The following PLEKHA8 variants were observed in gnomAD, a reference collection of about 807,000 sequenced individuals.
The protein encoded by PLEKHA8 is pleckstrin homology domain-containing family A member 8.
PLEKHA8 carries 36 observed loss-of-function variants against 68.2 expected under a neutral mutation model. That is an observed-to-expected ratio of 0.53 (90% CI 0.40 to 0.70). The LOEUF is 0.70. Among genes scored for constraint, PLEKHA8 ranks in the 30% least tolerant of loss-of-function variants. PLEKHA8 has a pLI of 0.00. For missense variants in PLEKHA8, 505 were observed against 615.4 expected, an observed-to-expected ratio of 0.82 and a Z score of 1.90; for synonymous variants, 211 against 216.1, an observed-to-expected ratio of 0.98 and a Z score of 0.20.
chr7:30,118,618 C>T (rs1224217907), intron 13 of PLEKHA8, among the ~76,000 whole-genome samples: 3 of 151,806 alleles, frequency 2.0e-5, no homozygotes, highest in Non-Finnish European at 4.4e-5. Context: ...TGCTCTGTCG[C>T]CCAGGCTGGA....
At chr7:30,097,696 C>T (rs1259697497) in intron 13 of PLEKHA8, among the ~76,000 whole-genome samples, 1 of 152,180 alleles carries the variant, frequency 6.6e-6, no homozygotes, top group Non-Finnish European at 1.5e-5. Context: ...TTAAGGACTT[C>T]TCTGCATTGA....
At chr7:30,041,818 CTCTT>C (rs1791563163) in intron 1 of PLEKHA8, among the ~76,000 whole-genome samples, 1 of 151,962 alleles carries the variant, frequency 6.6e-6, no homozygotes, top group Non-Finnish European at 1.5e-5. Flanking sequence ...TTTTAGGACA[CTCTT>C]TTTTTTTCAC....
chr7:30,037,337 T>A (rs1191906275), intron 1 of PLEKHA8, among the ~76,000 whole-genome samples: 2 of 152,132 alleles, frequency 1.3e-5, no homozygotes. Flanking sequence ...TGTTTTTATT[T>A]AAAAAAATTT....
At chr7:30,110,890 T>G (rs1442343878) in intron 13 of PLEKHA8, among the ~76,000 whole-genome samples, 1 of 151,874 alleles carries the variant, frequency 6.6e-6, no homozygotes, top group Non-Finnish European at 1.5e-5. Flanking sequence ...TTAATTGTGG[T>G]GTTTTCTTAT....
At chr7:30,129,086 C>A (rs1796830554) in intron 13 of PLEKHA8, among the ~76,000 whole-genome samples, 1 of 152,114 alleles carries the variant, frequency 6.6e-6, no homozygotes, top group Non-Finnish European at 1.5e-5. Flanking sequence ...ACTATAGCAC[C>A]CTGCAATAGT....
intron 5 of PLEKHA8, among the ~76,000 whole-genome samples, chr7:30,049,998 T>C (rs908231268): frequency 6.6e-6 from 1 of 152,206 alleles, no homozygotes; most frequent in African/African-American, 2.4e-5. Context: ...CTTATACATA[T>C]TCCTATTTTA....
At chr7:30,042,875 G>T (rs181887202) in intron 1 of PLEKHA8, among the ~76,000 whole-genome samples, 35 of 152,356 alleles carry the variant, frequency 2.3e-4, no homozygotes, top group Middle Eastern at 6.8e-3. Context: ...CTGGAGCACT[G>T]ATTCTGTGCC....
intron 13 of PLEKHA8, among the ~76,000 whole-genome samples, chr7:30,102,963 A>C (rs1795904324): frequency 6.6e-6 from 1 of 152,220 alleles, no homozygotes; most frequent in African/African-American, 2.4e-5. Flanking sequence ...CCAGCTATTC[A>C]GGAGGCTGAG....
intron 13 of PLEKHA8, among the ~76,000 whole-genome samples, chr7:30,114,398 G>A (rs1796362913): frequency 6.6e-6 from 1 of 152,222 alleles, no homozygotes; most frequent in Non-Finnish European, 1.5e-5. Context: ...TCACCCAGGT[G>A]GTGGTAGGTG....
chr7:30,030,034 A>G (rs909648504), intron 1 of PLEKHA8, among the ~76,000 whole-genome samples: 8 of 152,186 alleles, frequency 5.3e-5, no homozygotes, highest in Non-Finnish European at 1.0e-4. Flanking sequence ...GATGTCTGCA[A>G]TTAGATTAGA....
chr7:30,120,162 A>G (rs369973903), intron 13 of PLEKHA8, among the ~76,000 whole-genome samples: 1 of 142,166 alleles, frequency 7.0e-6, no homozygotes, highest in African/African-American at 2.8e-5. Flanking sequence ...TAATTAAAAA[A>G]AAAAAAACAA....
At chr7:30,092,900 G>A (rs1410408779), downstream of PLEKHA8, among the ~76,000 whole-genome samples, 1 of 152,188 alleles carries the variant, frequency 6.6e-6, no homozygotes, top group African/African-American at 2.4e-5. Context: ...CATGCCTGGG[G>A]CCACCTCCAT....
At chr7:30,052,899 A>G in intron 7 of PLEKHA8, 33 bp downstream of exon 7, 1 of 1,519,406 alleles carries the variant, frequency 6.6e-7, no homozygotes, top group Non-Finnish European at 8.8e-7. Flanking sequence ...AAACAAACCA[A>G]TTTTAGATGA....
rs532742541 is a variant in PLEKHA8, at chr7:30,109,790, G to A, written c.1363-19476G>A. ...GGGCTCAAGCAATCCTTTCATCTTA[G>A]CCTTCCAAGTAGCTGGGACCACAGG... is the stretch of plus-strand genomic sequence containing the variant. On this transcript the variant is annotated intron_variant, in intron 13 of 13. Coordinates refer to the PLEKHA8 transcript ENST00000396257. Among the ~76,000 whole-genome samples, 4 of 150,426 alleles carry A rather than the reference G, an allele frequency of 2.7e-5. No individual in the cohort carries two copies. The East Asian group carries it at 7.9e-4, about 30-fold the overall frequency.
downstream of PLEKHA8, among the ~76,000 whole-genome samples, chr7:30,086,769 T>G (rs1795199240): frequency 6.6e-6 from 1 of 151,578 alleles, no homozygotes; most frequent in African/African-American, 2.4e-5. Flanking sequence ...GTTGATATTT[T>G]TATTTTTTTC....
At chr7:30,045,769 CT>C (rs1174704947) in intron 2 of PLEKHA8, among the ~76,000 whole-genome samples, 1 of 152,166 alleles carries the variant, frequency 6.6e-6, no homozygotes, top group East Asian at 1.9e-4. Context: ...TTTGGTCTGA[CT>C]TTTCAAGGGA....
intron 13 of PLEKHA8, among the ~76,000 whole-genome samples, chr7:30,128,217 C>T (rs1796815097): frequency 6.6e-6 from 1 of 152,078 alleles, no homozygotes; most frequent in African/African-American, 2.4e-5. Flanking sequence ...AATGATCCTC[C>T]CACCTCAGCC....
Position 30,080,619 on chromosome 7 carries a change from TACTTAA to T in PLEKHA8, c.*1837_*1842del. ...TGCCCACATAAAGACTTCTGGAAAA[TACTTAA>T]ACTTGAAAAATCAACATCACATGTT... On this transcript the variant is annotated 3_prime_UTR_variant, in exon 14 of 14. Transcript: ENST00000449726. 1.0e-6 allele frequency: 1 copy of T among 985,278 alleles called. No individual in the cohort carries two copies. Among genetic ancestry groups the T allele is most frequent in the African/African-American group, 1.7e-5 (1 of 57,318 alleles). 61.0% of individuals were successfully genotyped at this position (985,278 alleles called of 1,614,324 possible). A position where few individuals can be genotyped will look rare whatever the true frequency, so the allele number is the denominator to read the frequency against.
chr7:30,028,945 AG>A, intron 1 of PLEKHA8, 143 bp downstream of exon 1: 1 of 997,134 alleles, frequency 1.0e-6, no homozygotes, highest in Non-Finnish European at 1.3e-6. Flanking sequence ...TTCCCAAAGC[AG>A]TTCTCTCACG....
Sources: gnomAD v4.1 joint callset for allele counts (sites outside exome capture counted in the v4.1 genomes callset) on GRCh38, gnomAD v4.1.1 for gene constraint, MANE v1.5 for transcripts, NCBI Gene and HGNC (gene_info 2026-07-23, HGNC 2026-07-21) for gene names.